Variants in ATP6V0A2 observed in about 807,000 individuals in gnomAD.
ATP6V0A2 encodes V-type proton ATPase 116 kDa subunit a 2.
ATP6V0A2 carries 58 observed loss-of-function variants against 104.4 expected under a neutral mutation model. The observed-to-expected ratio is 0.56, with a 90% CI of 0.45 to 0.69. The LOEUF is 0.69. ATP6V0A2 is among the 30% of genes least tolerant of loss of function. The pLI is 0.00. For synonymous variants in ATP6V0A2, 376 were observed against 397.9 expected (o/e 0.95, Z 0.65); for missense variants, 938 against 1,062.9 (o/e 0.88, Z 1.63).
At chr12:123,712,704 C>T (rs749584226) in intron 1 of ATP6V0A2, 22 bp downstream of exon 1, 1 of 1,583,990 alleles carries the variant, frequency 6.3e-7, no homozygotes, top group East Asian at 2.2e-5. Flanking sequence ...CCGGGAGACG[C>T]GGGCCGCACC....
At chr12:123,716,248 G>C (rs1252101063) in intron 1 of ATP6V0A2, among the ~76,000 whole-genome samples, 2 of 151,938 alleles carry the variant, frequency 1.3e-5, no homozygotes, top group Non-Finnish European at 2.9e-5. Context: ...TGTATTTTTA[G>C]TAGAGACGGG....
At position 123,746,946 on chromosome 12, in the gene ATP6V0A2, T is replaced by C. The variant is rs1956668774; in HGVS notation, c.1606-661T>C. ...AGACTCCTCAAAAAAAAAAAAATTA[T>C]CTTAATAGACCCTGTTTCCCTTTTC... On this transcript the variant is annotated intron_variant, in intron 13 of 19. Coordinates refer to ENST00000330342, the MANE Select transcript of ATP6V0A2 (RefSeq NM_012463.4). Among the ~76,000 whole-genome samples, 2 of 151,820 alleles carry C rather than the reference T, an allele frequency of 1.3e-5. 1 individual carries two copies. Among genetic ancestry groups the C allele is most frequent in the South Asian group, 4.2e-4 (2 of 4,810 alleles).
intron 9 of ATP6V0A2, 139 bp downstream of exon 9, chr12:123,737,410 T>A: frequency 3.4e-6 from 3 of 878,008 alleles, no homozygotes; most frequent in Non-Finnish European, 5.4e-6. Context: ...TTTTTTAAAA[T>A]ATTAATTAAC....
intron 15 of ATP6V0A2, chr12:123,749,937 C>T (rs549828732): frequency 2.0e-5 from 3 of 152,304 alleles, no homozygotes; most frequent in Non-Finnish European, 4.4e-5. Flanking sequence ...TGAAGCTCAA[C>T]TTAACGGAAC....
At chr12:123,735,433 G>A (rs548741874) in intron 7 of ATP6V0A2, 98 bp from the exon 8 acceptor site, 7 of 1,158,812 alleles carry the variant, frequency 6.0e-6, no homozygotes, top group Admixed American at 5.2e-5. Context: ...CCAAACGGCT[G>A]CTTTCATTCC....
rs1382537905 is a variant in ATP6V0A2 at position 123,758,370 on chromosome 12, A to C, written c.*338A>C. The C allele has an allele frequency of 1.7e-5, 3 of 177,696 alleles. No individual in the cohort carries two copies. Among genetic ancestry groups the C allele is most frequent in the Non-Finnish European group, 3.5e-5 (3 of 85,050 alleles). 11.0% of individuals were successfully genotyped at this position (177,696 alleles called of 1,614,324 possible). A position where few individuals can be genotyped will look rare whatever the true frequency, so the allele number is the denominator to read the frequency against. ...ATGGTATTAGATACTTATTTCCTTTAAACTTTATTTAAAACAAACAACAGA... is the reference window on the plus strand; with the variant it reads ...ATGGTATTAGATACTTATTTCCTTTCAACTTTATTTAAAACAAACAACAGA... On this transcript the variant is annotated 3_prime_UTR_variant, in exon 20 of 20. Transcript: ENST00000330342.
chr12:123,745,583 G>A (rs1462906645), intron 13 of ATP6V0A2, among the ~76,000 whole-genome samples: 3 of 152,064 alleles, frequency 2.0e-5, no homozygotes, highest in African/African-American at 7.2e-5. Flanking sequence ...GCTGGCGCCT[G>A]TAGTCCCAGC....
chr12:123,758,333 G>C lies in ATP6V0A2; in HGVS notation c.*301G>C, dbSNP rs1956783632. 1 of 240,084 alleles carries C rather than the reference G, an allele frequency of 4.2e-6. No individual in the cohort carries two copies. The highest frequency in any genetic ancestry group is 8.0e-6 in the Non-Finnish European group (1 of 124,434). 14.9% of individuals were successfully genotyped at this position (240,084 alleles called of 1,614,324 possible). Reference sequence around the variant, plus strand: ...TTGGGGAGAGAAGCCAATTTTGCATGGCTAGTTGAAAATGGTATTAGATAC... The same window carrying C: ...TTGGGGAGAGAAGCCAATTTTGCATCGCTAGTTGAAAATGGTATTAGATAC... On this transcript the variant is annotated 3_prime_UTR_variant, in exon 20 of 20. Transcript: ENST00000330342.
At chr12:123,735,981 T>C (rs994218508) in intron 8 of ATP6V0A2, among the ~76,000 whole-genome samples, 1 of 152,080 alleles carries the variant, frequency 6.6e-6, no homozygotes, top group Non-Finnish European at 1.5e-5. Flanking sequence ...CAAGCGATTC[T>C]CCTGCCTCAG....
chr12:123,733,915 A>G lies in ATP6V0A2; in HGVS notation c.649-11A>G. ...GCAGAAATAACACTTATCCTTATTC[A>G]TTCTTTGTAGGGGGAAGTCATAAAA... On this transcript the variant is annotated splice_polypyrimidine_tract_variant and intron_variant, in intron 6 of 19. Coordinates refer to ENST00000330342, the MANE Select transcript of ATP6V0A2 (RefSeq NM_012463.4). 1 of 1,603,142 alleles carries G rather than the reference A, an allele frequency of 6.2e-7. No homozygotes were observed. The highest frequency in any genetic ancestry group is 8.5e-7 in the Non-Finnish European group (1 of 1,169,972).
intron 7 of ATP6V0A2, among the ~76,000 whole-genome samples, chr12:123,735,039 G>A (rs558976407): frequency 8.1e-4 from 124 of 152,216 alleles, no homozygotes; most frequent in African/African-American, 2.8e-3. Context: ...GACACAGCTC[G>A]TCATTCCCTC....
Position 123,726,211 on chromosome 12 carries a change from T to C in ATP6V0A2, c.447T>C (p.Tyr149=), listed in dbSNP as rs140835376. 1.9e-4 allele frequency: 314 copies of C among 1,612,378 alleles called. No homozygotes were observed. Among genetic ancestry groups the C allele is most frequent in the Non-Finnish European group, 3.4e-5 (40 of 1,178,486 alleles). Residue 149 remains tyrosine, a synonymous_variant, in exon 5 of 20, where the codon TAT becomes TAC. Coordinates refer to ENST00000330342, the MANE Select transcript of ATP6V0A2 (RefSeq NM_012463.4). The part of the protein sequence containing the change: ...VKRNVEFEPT[Y]EEFPSLESDS... ...TTTATTTCTAGTTTGAACCCACTTA[T>C]GAAGAATTCCCTTCCTTAGAGAGTG...
chr12:123,747,402 A>G (rs922667973), intron 13 of ATP6V0A2, among the ~76,000 whole-genome samples: 1 of 152,166 alleles, frequency 6.6e-6, no homozygotes, highest in African/African-American at 2.4e-5. Flanking sequence ...TGACGTTAAC[A>G]CCGATAAAAT....
At chr12:123,715,186 CTAT>C (rs1956328460) in intron 1 of ATP6V0A2, among the ~76,000 whole-genome samples, 1 of 152,148 alleles carries the variant, frequency 6.6e-6, no homozygotes, top group Admixed American at 6.6e-5. Context: ...AAAGATTCTA[CTAT>C]TTGTAGAAAC....
intron 13 of ATP6V0A2, among the ~76,000 whole-genome samples, chr12:123,747,304 CTGTG>C (rs2135913173): frequency 6.6e-6 from 1 of 152,340 alleles, no homozygotes; most frequent in Non-Finnish European, 1.5e-5. Flanking sequence ...AGTCTCTGAG[CTGTG>C]TGTGACTCTC....
chr12:123,713,880 C>A (rs775399737), intron 1 of ATP6V0A2, among the ~76,000 whole-genome samples: 1 of 152,114 alleles, frequency 6.6e-6, no homozygotes, highest in Non-Finnish European at 1.5e-5. Flanking sequence ...CCATTGATAT[C>A]AGATATCTAA....
intron 1 of ATP6V0A2, among the ~76,000 whole-genome samples, chr12:123,713,015 TA>T (rs1956307737): frequency 1.3e-5 from 2 of 151,930 alleles, no homozygotes; most frequent in Admixed American, 6.6e-5. Context: ...TTACGGGGGT[TA>T]GGGGGGCGCA....
chr12:123,720,595 GA>G (rs1956389952), intron 2 of ATP6V0A2, among the ~76,000 whole-genome samples: 1 of 152,184 alleles, frequency 6.6e-6, no homozygotes, highest in African/African-American at 2.4e-5. Flanking sequence ...TCAGGAGGCT[GA>G]GGTGGGAGAA....
At chr12:123,751,084 G>A (rs751694055) in intron 15 of ATP6V0A2, 26 bp from the exon 16 acceptor site, 157 of 1,613,744 alleles carry the variant, frequency 9.7e-5, no homozygotes, top group East Asian at 1.3e-4. Context: ...CGTTTTAATC[G>A]GGTTTCTCAC....
Sources: gnomAD v4.1 joint callset for allele counts (sites outside exome capture counted in the v4.1 genomes callset) on GRCh38, gnomAD v4.1.1 for gene constraint, MANE v1.5 for transcripts, NCBI Gene and HGNC (gene_info 2026-07-23, HGNC 2026-07-21) for gene names.